Variants in LRMDA observed in about 807,000 individuals in gnomAD.
LRMDA encodes leucine-rich melanocyte differentiation-associated protein.
LRMDA carries 18 observed loss-of-function variants against 29.8 expected under a neutral mutation model. The observed-to-expected ratio is 0.60, with a 90% confidence interval of 0.42 to 0.90. The LOEUF (loss-of-function observed/expected upper bound fraction) is 0.90, where lower values mean the gene tolerates loss of function less well. Ranked by LOEUF, LRMDA falls within the 40% of genes least tolerant of loss-of-function variation. The probability of loss-of-function intolerance (pLI) is 0.00; values close to 1 mark genes in which losing one functional copy is unlikely to be tolerated. For synonymous variants in LRMDA, 125 were observed against 109.4 expected (o/e 1.14, Z -0.89); for missense variants, 273 against 273.9 (o/e 1.00, Z 0.02).
chr10:75,513,236 G>A (rs760290582), intron 2 of LRMDA, among the ~76,000 whole-genome samples: 11 of 152,118 alleles, frequency 7.2e-5, no homozygotes, highest in Admixed American at 1.3e-4. Flanking sequence ...GTTGATTTTT[G>A]TTTCTCGTTC....
chr10:75,906,664 T>C (rs1000931396), intron 2 of LRMDA, among the ~76,000 whole-genome samples: 11 of 152,258 alleles, frequency 7.2e-5, no homozygotes, highest in Non-Finnish European at 1.5e-4. Context: ...GCTCGAGGTA[T>C]GTTTATAATG....
chr10:76,274,271 C>CACAT (rs1378413931), intron 5 of LRMDA, among the ~76,000 whole-genome samples: 2 of 152,126 alleles, frequency 1.3e-5, no homozygotes, highest in Non-Finnish European at 2.9e-5. Context: ...AAACTTGCTG[C>CACAT]ACATAAATTG....
At chr10:75,902,447 G>T (rs972697919) in intron 2 of LRMDA, among the ~76,000 whole-genome samples, 1 of 152,050 alleles carries the variant, frequency 6.6e-6, no homozygotes, top group African/African-American at 2.4e-5. Context: ...TTGGGCAGGG[G>T]GCTCTAGTTA....
At chr10:75,508,271 C>T (rs1025944914) in intron 2 of LRMDA, among the ~76,000 whole-genome samples, 4 of 152,128 alleles carry the variant, frequency 2.6e-5, no homozygotes, top group South Asian at 2.1e-4. Context: ...TTTTTTCCCC[C>T]CCTCTCCCTT....
intron 2 of LRMDA, among the ~76,000 whole-genome samples, chr10:76,033,523 G>A (rs914776567): frequency 6.6e-6 from 1 of 152,096 alleles, no homozygotes; most frequent in Non-Finnish European, 1.5e-5. Flanking sequence ...CCATCTTCAT[G>A]CTGTGTCGTT....
chr10:75,755,156 A>G lies in LRMDA; in HGVS notation c.132-280852A>G, dbSNP rs113673352. Among the ~76,000 whole-genome samples the G allele has an allele frequency of 9.2e-3, 1,402 of 152,212 alleles. 8 individuals carry two copies. The highest frequency in any genetic ancestry group is 0.015 in the Non-Finnish European group (1,032 of 68,020). On this transcript the variant is annotated intron_variant, in intron 2 of 6. Coordinates refer to ENST00000611255, the MANE Select transcript of LRMDA (RefSeq NM_001305581.2). ...TTCTCCTTCCCTTCATCTACTGTCA[A>G]CACAGACACAGTCTTTCACTTTGCT...
At chr10:75,900,050 T>C (rs778853478) in intron 2 of LRMDA, among the ~76,000 whole-genome samples, 7 of 152,338 alleles carry the variant, frequency 4.6e-5, no homozygotes, top group Non-Finnish European at 1.0e-4. Context: ...ACAAATACTT[T>C]TGTGTTGATT....
At chr10:75,881,385 GC>G (rs1218996786) in intron 2 of LRMDA, among the ~76,000 whole-genome samples, 3 of 152,112 alleles carry the variant, frequency 2.0e-5, no homozygotes, top group African/African-American at 7.2e-5. Context: ...GGAACCTAAC[GC>G]CGATTCACGC....
intron 5 of LRMDA, among the ~76,000 whole-genome samples, chr10:76,296,682 A>G (rs556319587): frequency 5.3e-5 from 8 of 152,374 alleles, no homozygotes; most frequent in Admixed American, 5.2e-4. Flanking sequence ...GTTTTCTCTC[A>G]TGGATATAAA....
intron 2 of LRMDA, among the ~76,000 whole-genome samples, chr10:75,999,657 C>T (rs982800549): frequency 3.3e-5 from 5 of 152,248 alleles, no homozygotes; most frequent in Admixed American, 2.0e-4. Context: ...GTGGCGTTGA[C>T]AATACTGACA....
At chr10:76,180,661 G>A (rs116277250) in intron 5 of LRMDA, among the ~76,000 whole-genome samples, 47 of 152,226 alleles carry the variant, frequency 3.1e-4, no homozygotes, top group African/African-American at 1.1e-3. Context: ...GCACTGGAAT[G>A]CCTGAACCCC....
intron 2 of LRMDA, among the ~76,000 whole-genome samples, chr10:75,491,298 G>T (rs1844984064): frequency 1.3e-5 from 2 of 152,280 alleles, no homozygotes; most frequent in Admixed American, 6.5e-5. Context: ...TCTCAGAATT[G>T]AATTTGCCTG....
chr10:76,464,076 C>T (rs909705975), intron 6 of LRMDA, among the ~76,000 whole-genome samples: 2 of 151,958 alleles, frequency 1.3e-5, no homozygotes, highest in Non-Finnish European at 1.5e-5. Context: ...CGAACCACCA[C>T]GCCCAGCTAA....
intron 2 of LRMDA, among the ~76,000 whole-genome samples, chr10:75,626,290 C>T (rs1422279497): frequency 1.3e-5 from 2 of 152,078 alleles, no homozygotes; most frequent in Non-Finnish European, 2.9e-5. Flanking sequence ...GAATGACAGC[C>T]CGACATCATT....
chr10:75,520,612 C>T (rs529792829), intron 2 of LRMDA, among the ~76,000 whole-genome samples: 50 of 152,266 alleles, frequency 3.3e-4, no homozygotes, highest in African/African-American at 1.2e-3. Context: ...AGCTTCCTTG[C>T]GATGGGTTCG....
At chr10:76,417,794 G>A (rs1842032859) in intron 6 of LRMDA, among the ~76,000 whole-genome samples, 1 of 152,130 alleles carries the variant, frequency 6.6e-6, no homozygotes, top group Admixed American at 6.6e-5. Context: ...ATTATCCTGT[G>A]TTATCCTTTA....
chr10:75,572,625 ATATCTT>A (rs1840451808), intron 2 of LRMDA, among the ~76,000 whole-genome samples: 1 of 152,228 alleles, frequency 6.6e-6, no homozygotes, highest in African/African-American at 2.4e-5. Flanking sequence ...TTATTTGAAA[ATATCTT>A]TACTTTGGCT....
intron 5 of LRMDA, among the ~76,000 whole-genome samples, chr10:76,122,353 C>T (rs976871912): frequency 7.2e-5 from 11 of 151,872 alleles, no homozygotes; most frequent in Admixed American, 7.2e-4. Flanking sequence ...CCCATCGGCA[C>T]CTTCAGGTGT....
chr10:75,558,736 G>C (rs1274692701), intron 2 of LRMDA, among the ~76,000 whole-genome samples: 1 of 149,148 alleles, frequency 6.7e-6, no homozygotes, highest in Non-Finnish European at 1.5e-5. Context: ...CTGTGTCCAT[G>C]TGTTCTCATT....
Sources: allele counts gnomAD v4.1 joint callset (sites outside exome capture counted in the v4.1 genomes callset), GRCh38; gene constraint gnomAD v4.1.1; transcripts MANE v1.5; gene names NCBI Gene and HGNC (gene_info 2026-07-23, HGNC 2026-07-21).